ATP13A4: variants seen among roughly 807,000 people sequenced by gnomAD.
ATP13A4 encodes ATPase 13A4, also known as probable cation-transporting ATPase 13A4.
Under a neutral mutation model 142.5 loss-of-function variants are expected in ATP13A4, and 114 were observed. That is an observed-to-expected ratio of 0.80 (90% CI 0.69 to 0.93). The LOEUF (loss-of-function observed/expected upper bound fraction) is 0.93, where lower values mean the gene tolerates loss of function less well. ATP13A4 is among the 40% of genes least tolerant of loss of function. The pLI, the probability that ATP13A4 is intolerant of heterozygous loss-of-function variation, is 0.00. For missense variants in ATP13A4, 1,392 were observed against 1,454.0 expected, an observed-to-expected ratio of 0.96 and a Z score of 0.69; for synonymous variants, 488 against 514.8, an observed-to-expected ratio of 0.95 and a Z score of 0.70.
chr3:193,519,227 A>C (rs1341765456), intron 1 of ATP13A4, among the ~76,000 whole-genome samples: 2 of 152,202 alleles, frequency 1.3e-5, no homozygotes, highest in Non-Finnish European at 2.9e-5. Context: ...ACCCATGGTA[A>C]AAGAGGATTG....
Position 193,458,930 on chromosome 3 carries a change from G to A in ATP13A4, c.1674+151C>T, listed in dbSNP as rs999768067. 89 of 1,015,508 alleles carry A rather than the reference G, an allele frequency of 8.8e-5. No homozygotes were observed. In the African/African-American group the frequency reaches 1.3e-3, roughly 15 times the overall value. 62.9% of individuals were successfully genotyped at this position (1,015,508 alleles called of 1,614,324 possible). On this transcript the variant is annotated intron_variant, in intron 14 of 29. Coordinates refer to ENST00000342695, the MANE Select transcript of ATP13A4 (RefSeq NM_032279.4). ...TTATTAGCTTCATTGCACAGATGAG[G>A]AAACCAGCCTTAGATTGGTTTGCCC...
chr3:193,418,932 T>G (rs907585885), intron 25 of ATP13A4: 1 of 150,830 alleles, frequency 6.6e-6, no homozygotes, highest in Non-Finnish European at 1.5e-5. Context: ...CGCTACATCT[T>G]ACCTTGAGAG....
chr3:193,551,743 TC>T (rs1199229542), intron 1 of ATP13A4, among the ~76,000 whole-genome samples: 1 of 152,192 alleles, frequency 6.6e-6, no homozygotes, highest in African/African-American at 2.4e-5. Context: ...TCCCGTCCCG[TC>T]CCAGTGCTCT....
chr3:193,538,441 G>A (rs750544267), intron 1 of ATP13A4, among the ~76,000 whole-genome samples: 1 of 151,274 alleles, frequency 6.6e-6, no homozygotes, highest in Non-Finnish European at 1.5e-5. Flanking sequence ...AAAAACAGAG[G>A]GCAGGCAAGG....
chr3:193,548,858 G>T (rs1052509382), intron 1 of ATP13A4, among the ~76,000 whole-genome samples: 2 of 152,152 alleles, frequency 1.3e-5, no homozygotes, highest in African/African-American at 4.8e-5. Context: ...TCCAAAAAGA[G>T]TTTACCGTGC....
rs779688713 is a variant in ATP13A4 at position 193,414,723 on chromosome 3, A to G, written c.2870T>C (p.Leu957Pro). 8.7e-6 allele frequency: 14 copies of G among 1,614,204 alleles called. No homozygotes were observed. The highest frequency in any genetic ancestry group is 1.2e-5 in the Non-Finnish European group (14 of 1,180,024). Residue 957 changes from leucine (L) to proline (P), a missense_variant, in exon 26 of 30, where the codon CTG becomes CCG. Leu to Pro is a moderately conservative substitution (Grantham distance 98, BLOSUM62 -3). Coordinates refer to ENST00000342695, the MANE Select transcript of ATP13A4 (RefSeq NM_032279.4). ...CCGTCCTGCAGGTCTGAAAGGCACC[A>G]GCTTAGGGTAGGCACCATTCAGATT... The part of the protein sequence containing the change: ...TMNLNGAYPK[L>P]VPFRPAGRLI...
intron 1 of ATP13A4, among the ~76,000 whole-genome samples, chr3:193,550,305 GTT>G (rs66816945): frequency 0.03 from 3,929 of 131,862 alleles, 40 homozygotes; most frequent in East Asian, 0.034. Context: ...TGAATTTTAG[GTT>G]TTTTTTTTTT....
At chr3:193,516,577 A>T (rs1468231346) in intron 1 of ATP13A4, among the ~76,000 whole-genome samples, 1 of 152,206 alleles carries the variant, frequency 6.6e-6, no homozygotes, top group Non-Finnish European at 1.5e-5. Context: ...ACTTGTCCTG[A>T]GTCCAGCTAC....
intron 2 of ATP13A4, among the ~76,000 whole-genome samples, chr3:193,503,669 C>G (rs183903112): frequency 2.0e-5 from 3 of 152,320 alleles, no homozygotes; most frequent in South Asian, 2.1e-4. Flanking sequence ...TAGCTAATCT[C>G]TTATATTCAT....
At chr3:193,413,287 A>C (rs551209105) in intron 26 of ATP13A4, among the ~76,000 whole-genome samples, 1 of 152,316 alleles carries the variant, frequency 6.6e-6, no homozygotes, top group Non-Finnish European at 1.5e-5. Flanking sequence ...TTAGTCTCTT[A>C]ATCCTGTTAT....
Position 193,467,340 on chromosome 3 carries a change from C to A in ATP13A4, c.1090G>T (p.Val364Leu). The change falls in exon 10 of 30, where the codon GTG (valine) becomes TTG (leucine). Residue 364 changes from valine (V) to leucine (L), a missense_variant. Transcript: ENST00000342695. Reference protein sequence around the residue: ...IQAKAACSGTVRAVVLQTGFN... With the variant: ...IQAKAACSGTLRAVVLQTGFN... ...CCAGTCTGCAGTACCACGGCTCTCA[C>A]GGTCCCAGAGCAAGCTGCCTTGGCC... 11 of 1,614,166 alleles carry A rather than the reference C, an allele frequency of 6.8e-6. No individual in the cohort carries two copies. Among genetic ancestry groups the A allele is most frequent in the Non-Finnish European group, 8.5e-6 (10 of 1,180,022 alleles).
chr3:193,578,429 G>A (rs758112753), intron 2 of ATP13A4, among the ~76,000 whole-genome samples: 3 of 152,006 alleles, frequency 2.0e-5, no homozygotes, highest in Non-Finnish European at 4.4e-5. Flanking sequence ...AGCAACTGCT[G>A]CCATTTTGGT....
chr3:193,468,621 C>A (rs1029576834), intron 9 of ATP13A4, among the ~76,000 whole-genome samples: 3 of 152,160 alleles, frequency 2.0e-5, no homozygotes, highest in African/African-American at 7.2e-5. Context: ...GTGGTGCATG[C>A]CTATAATCCC....
intron 13 of ATP13A4, among the ~76,000 whole-genome samples, chr3:193,462,098 T>G (rs770805456): frequency 6.6e-6 from 1 of 151,770 alleles, no homozygotes; most frequent in Non-Finnish European, 1.5e-5. Context: ...GGCAGGCACC[T>G]GTAATCTCAG....
At chr3:193,486,444 G>A (rs1159945339) in intron 7 of ATP13A4, among the ~76,000 whole-genome samples, 1 of 152,248 alleles carries the variant, frequency 6.6e-6, no homozygotes, top group African/African-American at 2.4e-5. Context: ...GGATGCCAGG[G>A]GATATTTAGG....
intron 1 of ATP13A4, among the ~76,000 whole-genome samples, chr3:193,586,497 T>C (rs1251724649): frequency 6.6e-6 from 1 of 152,232 alleles, no homozygotes; most frequent in Non-Finnish European, 1.5e-5. Flanking sequence ...TATACAATTT[T>C]TGTGCATGCT....
intron 13 of ATP13A4, among the ~76,000 whole-genome samples, chr3:193,462,222 CAAAAAAAAAAA>C (rs57279285): frequency 9.1e-6 from 1 of 109,816 alleles, no homozygotes; most frequent in South Asian, 2.8e-4. Context: ...AACTCCGTCT[CAAAAAAAAAAA>C]AAAAAGAAAA....
At chr3:193,440,476 G>A in intron 21 of ATP13A4, 82 bp downstream of exon 21, 2 of 1,599,206 alleles carry the variant, frequency 1.3e-6, no homozygotes, top group South Asian at 1.1e-5. Flanking sequence ...GTCAAACTGA[G>A]TGACTCCTGG....
intron 8 of ATP13A4, among the ~76,000 whole-genome samples, chr3:193,481,111 T>A (rs1303923642): frequency 6.6e-6 from 1 of 152,154 alleles, no homozygotes; most frequent in Non-Finnish European, 1.5e-5. Flanking sequence ...CAATGCACTT[T>A]GGAGATTCAG....
Sources: allele counts gnomAD v4.1 joint callset (sites outside exome capture counted in the v4.1 genomes callset), GRCh38; gene constraint gnomAD v4.1.1; transcripts MANE v1.5; gene names NCBI Gene and HGNC (gene_info 2026-07-23, HGNC 2026-07-21).